HRH1: variants seen among roughly 807,000 people sequenced by gnomAD.
HRH1 encodes histamine H1 receptor.
Under a neutral mutation model 10.3 loss-of-function variants are expected in HRH1, and 6 were observed. The observed-to-expected ratio is 0.58, with a 90% CI of 0.32 to 1.15. The LOEUF is 1.15. Ranked by LOEUF, HRH1 falls within the 50% of genes most tolerant of loss-of-function variation. The pLI is 0.05. For missense variants in HRH1, 514 were observed against 615.3 expected (o/e 0.84, Z 1.74); for synonymous variants, 242 against 236.7 (o/e 1.02, Z -0.21).
chr3:11,253,918 C>CT (rs2152587792), intron 1 of HRH1, among the ~76,000 whole-genome samples: 1 of 152,190 alleles, frequency 6.6e-6, no homozygotes, highest in African/African-American at 2.4e-5. Flanking sequence ...GTTTAAGCTC[C>CT]TTTTTTAGGT....
intron 1 of HRH1, chr3:11,234,732 A>G (rs1227008291): frequency 2.4e-6 from 2 of 848,852 alleles, no homozygotes; most frequent in East Asian, 4.8e-5. Context: ...CAGCAGCTGT[A>G]GCTTCACGCC....
intron 1 of HRH1, among the ~76,000 whole-genome samples, chr3:11,197,719 T>C (rs1937718442): frequency 6.6e-6 from 1 of 152,230 alleles, no homozygotes; most frequent in African/African-American, 2.4e-5. Flanking sequence ...TTAAAAGTAT[T>C]ACAGTAAATG....
upstream of HRH1, among the ~76,000 whole-genome samples, chr3:11,150,495 C>T (rs562699234): frequency 2.0e-5 from 3 of 152,386 alleles, no homozygotes; most frequent in South Asian, 6.2e-4. Flanking sequence ...GCTCCCTGCC[C>T]GGACATCTCC....
At chr3:11,212,277 G>A (rs1229245383) in intron 1 of HRH1, among the ~76,000 whole-genome samples, 1 of 152,108 alleles carries the variant, frequency 6.6e-6, no homozygotes, top group East Asian at 1.9e-4. Flanking sequence ...AAAAGAAAAA[G>A]CTTTATATAT....
upstream of HRH1, among the ~76,000 whole-genome samples, chr3:11,154,151 G>T (rs1936718730): frequency 6.6e-6 from 1 of 152,296 alleles, no homozygotes; most frequent in African/African-American, 2.4e-5. This position sits in a 1 kb window ranked among gnomAD's most constrained non-coding sequence, Gnocchi z 4.4. Flanking sequence ...GTGGGTGGGG[G>T]TGGAGTTGTC....
chr3:11,148,230 AT>A (rs1936505284), intron 1 of HRH1, among the ~76,000 whole-genome samples: 2 of 151,380 alleles, frequency 1.3e-5, no homozygotes, highest in African/African-American at 4.9e-5. Flanking sequence ...AATCCTGCCC[AT>A]CTCACTGATT....
chr3:11,247,527 G>A (rs1440290515), intron 1 of HRH1, among the ~76,000 whole-genome samples: 1 of 152,172 alleles, frequency 6.6e-6, no homozygotes, highest in African/African-American at 2.4e-5. Context: ...TAGGCGGGAA[G>A]GAAGAGGGAC....
intron 1 of HRH1, among the ~76,000 whole-genome samples, chr3:11,157,473 C>T (rs1273452007): frequency 2.6e-5 from 4 of 152,308 alleles, no homozygotes; most frequent in Admixed American, 1.3e-4. Flanking sequence ...TTCACAGTGA[C>T]GCTGAGCATT....
In HRH1 at chr3:11,260,592, C is replaced by A. The variant is rs1939929508; in HGVS notation, c.*91C>A. On this transcript the variant is annotated 3_prime_UTR_variant, in exon 2 of 2. Transcript: ENST00000431010. ...GGCCTGTGTGTTGCCAGGCAGGCAC[C>A]TGGGCTTTCTGGAATCCAAACCACA... The A allele has an allele frequency of 1.6e-6, 2 of 1,225,982 alleles. No homozygotes were observed. Among genetic ancestry groups the A allele is most frequent in the Non-Finnish European group, 2.3e-6 (2 of 869,220 alleles). The allele number at this position is 1,225,982 out of a possible 1,614,324, so 75.9% of individuals were successfully genotyped here.
At chr3:11,168,584 G>A (rs575471104) in intron 1 of HRH1, among the ~76,000 whole-genome samples, 39 of 152,338 alleles carry the variant, frequency 2.6e-4, no homozygotes, top group African/African-American at 5.8e-4. Flanking sequence ...CACTGCCGCC[G>A]CACAATGCCA....
At chr3:11,217,678 T>C (rs1237268038) in intron 1 of HRH1, among the ~76,000 whole-genome samples, 1 of 152,216 alleles carries the variant, frequency 6.6e-6, no homozygotes, top group African/African-American at 2.4e-5. Flanking sequence ...GTACTTAACA[T>C]TGCTGATCTG....
At chr3:11,224,605 CAGG>C (rs1938821343) in intron 1 of HRH1, among the ~76,000 whole-genome samples, 1 of 151,504 alleles carries the variant, frequency 6.6e-6, no homozygotes, top group African/African-American at 2.4e-5. Flanking sequence ...GAGGCTGAGG[CAGG>C]AGAATGGCGT....
intron 1 of HRH1, among the ~76,000 whole-genome samples, chr3:11,143,577 TTGG>T (rs2124992963): frequency 6.6e-6 from 1 of 152,340 alleles, no homozygotes; most frequent in Admixed American, 6.5e-5. Context: ...CGCAGGTTCA[TTGG>T]TTGGGTTAAT....
chr3:11,146,107 A>G (rs971895917), intron 1 of HRH1, among the ~76,000 whole-genome samples: 3 of 152,158 alleles, frequency 2.0e-5, no homozygotes, highest in African/African-American at 7.2e-5. Context: ...GGGTAGATTT[A>G]TGTTTATTAA....
chr3:11,241,284 G>T (rs1026947977), intron 1 of HRH1, among the ~76,000 whole-genome samples: 5 of 63,678 alleles, frequency 7.9e-5, no homozygotes, highest in African/African-American at 3.5e-4. Context: ...AACAAACCAC[G>T]TACGTCTTCT....
At chr3:11,219,083 G>T (rs997175268) in intron 1 of HRH1, among the ~76,000 whole-genome samples, 3 of 152,054 alleles carry the variant, frequency 2.0e-5, no homozygotes, top group South Asian at 2.1e-4. Flanking sequence ...TAGAGACAGG[G>T]TTTCACTATG....
chr3:11,229,478 C>T (rs1938985823), intron 1 of HRH1, among the ~76,000 whole-genome samples: 1 of 152,160 alleles, frequency 6.6e-6, no homozygotes, highest in Non-Finnish European at 1.5e-5. Flanking sequence ...TTTACCACAT[C>T]TTGGGTGTTA....
intron 1 of HRH1, among the ~76,000 whole-genome samples, chr3:11,189,842 C>T (rs1354405496): frequency 6.6e-6 from 1 of 151,818 alleles, no homozygotes; most frequent in Non-Finnish European, 1.5e-5. Flanking sequence ...CCCAGCTACT[C>T]GGGAGGCTGA....
chr3:11,147,919 C>T (rs374911740), intron 1 of HRH1, among the ~76,000 whole-genome samples: 29 of 152,184 alleles, frequency 1.9e-4, no homozygotes, highest in East Asian at 7.8e-4. Flanking sequence ...TGGTGGCTCA[C>T]GCCTGTAATC....
Sources: gnomAD v4.1 joint callset for allele counts (sites outside exome capture counted in the v4.1 genomes callset) on GRCh38, gnomAD v4.1.1 for gene constraint, Gnocchi (gnomAD v3.1) non-coding constraint, MANE v1.5 for transcripts, NCBI Gene and HGNC (gene_info 2026-07-23, HGNC 2026-07-21) for gene names.